STXBP6: variants seen among roughly 807,000 people sequenced by gnomAD.
STXBP6 encodes syntaxin-binding protein 6.
In STXBP6, 21 loss-of-function variants were observed where a neutral mutation model predicts 26.9. That is an observed-to-expected ratio of 0.78 (90% CI 0.55 to 1.12). STXBP6 has a LOEUF of 1.12. STXBP6 is among the 50% of genes most tolerant of loss of function. The probability of loss-of-function intolerance (pLI) is 0.00; values close to 1 mark genes in which losing one functional copy is unlikely to be tolerated. For missense variants in STXBP6, 232 were observed against 257.9 expected (o/e 0.90, Z 0.69); for synonymous variants, 97 against 92.6 (o/e 1.05, Z -0.27).
intron 4 of STXBP6, among the ~76,000 whole-genome samples, chr14:24,844,580 T>G (rs1472256949): frequency 6.6e-6 from 1 of 152,284 alleles, no homozygotes; most frequent in South Asian, 2.1e-4. Flanking sequence ...ATTGGAGAGT[T>G]ACTTGGTGTG....
At chr14:25,044,559 C>A (rs2075696972) in intron 1 of STXBP6, among the ~76,000 whole-genome samples, 1 of 152,234 alleles carries the variant, frequency 6.6e-6, no homozygotes, top group Non-Finnish European at 1.5e-5. Flanking sequence ...CTGCAACCAG[C>A]TGTCCAGTCC....
chr14:24,901,485 A>T (rs2071211308), intron 2 of STXBP6, among the ~76,000 whole-genome samples: 1 of 152,156 alleles, frequency 6.6e-6, no homozygotes, highest in African/African-American at 2.4e-5. Flanking sequence ...ATTAGGCATA[A>T]CGTTCCCATA....
chr14:25,011,559 C>CCCTG (rs2075032263), intron 1 of STXBP6, among the ~76,000 whole-genome samples: 1 of 152,134 alleles, frequency 6.6e-6, no homozygotes, highest in South Asian at 2.1e-4. Flanking sequence ...TTACTGGGTT[C>CCCTG]AGTCCAAGAG....
intron 1 of STXBP6, among the ~76,000 whole-genome samples, chr14:25,007,506 C>A (rs1008930260): frequency 1.3e-5 from 2 of 152,194 alleles, no homozygotes; most frequent in African/African-American, 4.8e-5. Context: ...TACCCCTCAG[C>A]ACAATTCCCA....
At chr14:24,865,776 A>G (rs2069696407) in intron 2 of STXBP6, among the ~76,000 whole-genome samples, 1 of 152,180 alleles carries the variant, frequency 6.6e-6, no homozygotes, top group Admixed American at 6.5e-5. Flanking sequence ...TGTGGTATGA[A>G]GATTATATGG....
At chr14:24,976,066 C>T (rs2074037279) in intron 1 of STXBP6, among the ~76,000 whole-genome samples, 1 of 152,184 alleles carries the variant, frequency 6.6e-6, no homozygotes, top group African/African-American at 2.4e-5. Context: ...ACTGAGCCAG[C>T]TGGTTACAAA....
At chr14:25,022,289 G>C (rs2075275396) in intron 1 of STXBP6, among the ~76,000 whole-genome samples, 1 of 152,148 alleles carries the variant, frequency 6.6e-6, no homozygotes, top group Non-Finnish European at 1.5e-5. Context: ...AGGGTAGCAA[G>C]GCAGTTCCTA....
chr14:24,885,506 C>G (rs1226947271), intron 2 of STXBP6, among the ~76,000 whole-genome samples: 1 of 152,224 alleles, frequency 6.6e-6, no homozygotes, highest in Non-Finnish European at 1.5e-5. Context: ...ACTCAATCCC[C>G]TACCTTCACA....
At chr14:24,900,728 C>T (rs1817600365) in intron 2 of STXBP6, among the ~76,000 whole-genome samples, 2 of 152,140 alleles carry the variant, frequency 1.3e-5, no homozygotes, top group Non-Finnish European at 2.9e-5. Flanking sequence ...AGGTCCATAT[C>T]AGACTGTGAA....
At chr14:24,868,814 G>A (rs2069817266) in intron 2 of STXBP6, among the ~76,000 whole-genome samples, 1 of 152,140 alleles carries the variant, frequency 6.6e-6, no homozygotes, top group Non-Finnish European at 1.5e-5. Flanking sequence ...AGAGAAAAGG[G>A]ATAGTCTAAC....
At chr14:25,044,983 T>C (rs963650480) in intron 1 of STXBP6, among the ~76,000 whole-genome samples, 12 of 152,214 alleles carry the variant, frequency 7.9e-5, no homozygotes, top group Admixed American at 4.6e-4. Flanking sequence ...GCTTAAAATG[T>C]TCTTCTCTAC....
chr14:24,973,411 A>C (rs2073959251), intron 2 of STXBP6, among the ~76,000 whole-genome samples: 1 of 124,062 alleles, frequency 8.1e-6, no homozygotes, highest in African/African-American at 3.2e-5. Context: ...TTTGAGACAG[A>C]GTCTCACTCT....
At chr14:25,002,359 C>CTTTTTTTTTTTCTTTT (rs2074780885) in intron 1 of STXBP6, among the ~76,000 whole-genome samples, 14 of 121,364 alleles carry the variant, frequency 1.2e-4, no homozygotes, top group African/African-American at 4.0e-4. Context: ...ATTCTTATGA[C>CTTTTTTTTTTTCTTTT]TTTTTTTTTT....
chr14:24,814,036 G>A (rs2067898492), intron 5 of STXBP6, among the ~76,000 whole-genome samples: 1 of 152,186 alleles, frequency 6.6e-6, no homozygotes, highest in Admixed American at 6.5e-5. Flanking sequence ...TCTGTCTGGT[G>A]ATGCCAGTGA....
chr14:24,880,896 G>A (rs1027926362), intron 2 of STXBP6, among the ~76,000 whole-genome samples: 5 of 152,312 alleles, frequency 3.3e-5, no homozygotes, highest in Admixed American at 2.6e-4. Flanking sequence ...AAGGTCAGAT[G>A]AGTCACATTT....
chr14:24,827,794 C>T (rs2068333485), intron 4 of STXBP6, among the ~76,000 whole-genome samples: 1 of 152,202 alleles, frequency 6.6e-6, no homozygotes, highest in African/African-American at 2.4e-5. Context: ...ACCAAGAAGG[C>T]CTTTCTTAAT....
At chr14:24,935,914 C>G (rs960897976) in intron 2 of STXBP6, among the ~76,000 whole-genome samples, 36 of 152,220 alleles carry the variant, frequency 2.4e-4, no homozygotes, top group African/African-American at 8.7e-4. Flanking sequence ...TGGCAACTCT[C>G]TTTCATATCT....
At chr14:24,861,638 C>T (rs935609686) in intron 2 of STXBP6, among the ~76,000 whole-genome samples, 15 of 152,138 alleles carry the variant, frequency 9.9e-5, no homozygotes, top group Non-Finnish European at 1.8e-4. Context: ...GTTTATAAAG[C>T]ATAAAAGCAA....
In STXBP6 at chr14:25,049,974, G is replaced by GGCTCCGC. The variant is rs1243461043; in HGVS notation, c.-130_-129insGCGGAGC. 1.5e-4 allele frequency: 111 copies of GGCTCCGC among 744,080 alleles called. No individual in the cohort carries two copies. Among genetic ancestry groups the GGCTCCGC allele is most frequent in the Non-Finnish European group, 1.7e-4 (105 of 609,792 alleles). The allele number at this position is 744,080 out of a possible 1,614,324, so 46.1% of individuals were successfully genotyped here. On this transcript the variant is annotated 5_prime_UTR_variant, in exon 1 of 6. Transcript: ENST00000323944. The surrounding 1 kb of genome is among the most constrained non-coding windows in gnomAD (Gnocchi z 5.6). ...GGGGGCTGCCCCGCGCGGGGCTCCGGGCTCCGGACAAGGCTTAGCCGGCCC... is the reference window on the plus strand; with the variant it reads ...GGGGGCTGCCCCGCGCGGGGCTCCGGGCTCCGCGCTCCGGACAAGGCTTAGCCGGCCC...
Sources: allele counts gnomAD v4.1 joint callset (sites outside exome capture counted in the v4.1 genomes callset), GRCh38; gene constraint gnomAD v4.1.1; non-coding constraint Gnocchi (gnomAD v3.1); transcripts MANE v1.5; gene names NCBI Gene and HGNC (gene_info 2026-07-23, HGNC 2026-07-21).